Variants in ADTRP observed in about 807,000 individuals in gnomAD.
The protein encoded by ADTRP is androgen-dependent TFPI-regulating protein.
ADTRP carries 20 observed loss-of-function variants against 27.0 expected under a neutral mutation model. The ratio of observed to expected loss-of-function variants is 0.74; its 90% confidence interval spans 0.52 to 1.08. The LOEUF (loss-of-function observed/expected upper bound fraction) is 1.08. Among genes scored for constraint, ADTRP ranks in the 50% least tolerant of loss-of-function variants. ADTRP has a pLI of 0.00. For missense variants in ADTRP, 251 were observed against 275.0 expected, an observed-to-expected ratio of 0.91 and a Z score of 0.62; for synonymous variants, 101 against 105.2, an observed-to-expected ratio of 0.96 and a Z score of 0.25.
intron 4 of ADTRP, among the ~76,000 whole-genome samples, chr6:11,725,313 G>A (rs989906084): frequency 1.3e-5 from 2 of 152,132 alleles, no homozygotes; most frequent in Non-Finnish European, 2.9e-5. Context: ...AAATATTCCT[G>A]TAACTCAACA....
intron 1 of ADTRP, among the ~76,000 whole-genome samples, chr6:11,775,948 C>T (rs1016996350): frequency 2.6e-4 from 40 of 152,186 alleles, no homozygotes; most frequent in Admixed American, 4.6e-4. Flanking sequence ...AGAATGTGAG[C>T]GTAAGTTGTG....
chr6:11,719,115 C>G (rs1224543763), intron 5 of ADTRP, among the ~76,000 whole-genome samples: 1 of 152,204 alleles, frequency 6.6e-6, no homozygotes, highest in East Asian at 1.9e-4. Flanking sequence ...GCAGCCCACT[C>G]AGGAGAGCAC....
chr6:11,769,948 T>G (rs1763711452), intron 1 of ADTRP: 1 of 1,443,712 alleles, frequency 6.9e-7, no homozygotes, highest in African/African-American at 1.4e-5. Flanking sequence ...TGAACTGTGT[T>G]TCATTCTCAT....
rs181985155 is a variant in ADTRP, at chr6:11,733,818, A to G, written c.506+1750T>C. 3.2e-3 allele frequency among the ~76,000 whole-genome samples: 493 copies of G among 152,300 alleles called. 1 individual carries two copies. The highest frequency in any genetic ancestry group is 6.0e-3 in the Admixed American group (92 of 15,300). ...GCATCATGGGGACACCCGCCCAGGTACTGACAAACCAACCTCCTGGCCTCT... is the reference window on the plus strand; with the variant it reads ...GCATCATGGGGACACCCGCCCAGGTGCTGACAAACCAACCTCCTGGCCTCT... On this transcript the variant is annotated intron_variant, in intron 4 of 5. Coordinates refer to ENST00000414691, the MANE Select transcript of ADTRP (RefSeq NM_032744.4).
intron 4 of ADTRP, among the ~76,000 whole-genome samples, chr6:11,733,416 C>T (rs1183649825): frequency 6.6e-6 from 1 of 152,154 alleles, no homozygotes; most frequent in African/African-American, 2.4e-5. Flanking sequence ...GCCATACCCT[C>T]AGCTCCTCCA....
At chr6:11,744,725 GA>G (rs1762815112) in intron 3 of ADTRP, among the ~76,000 whole-genome samples, 1 of 152,194 alleles carries the variant, frequency 6.6e-6, no homozygotes, top group South Asian at 2.1e-4. Flanking sequence ...TTTAAAGACA[GA>G]AACAGATGGG....
rs186409449 is a variant in ADTRP at position 11,754,163 on chromosome 6, G to A, written c.390+12111C>T. On this transcript the variant is annotated intron_variant, in intron 3 of 5. Transcript: ENST00000414691. ...TACTCACACTTCAGTAGATACTGGC[G>A]GGTCCCCCTGTCTCTCACATGGCTT... is the stretch of plus-strand genomic sequence containing the variant. 2.9e-3 allele frequency among the ~76,000 whole-genome samples: 442 copies of A among 152,260 alleles called. 3 individuals are homozygous for A. Among genetic ancestry groups the A allele is most frequent in the African/African-American group, 0.01 (423 of 41,550 alleles).
chr6:11,771,554 A>G (rs1367232197), intron 1 of ADTRP, among the ~76,000 whole-genome samples: 2 of 152,214 alleles, frequency 1.3e-5, no homozygotes, highest in Non-Finnish European at 2.9e-5. Flanking sequence ...TTATTCTCCA[A>G]AGACGATGCA....
chr6:11,766,105 C>T (rs1373869111), intron 3 of ADTRP, among the ~76,000 whole-genome samples, 169 bp downstream of exon 3: 2 of 152,220 alleles, frequency 1.3e-5, no homozygotes, highest in Non-Finnish European at 2.9e-5. Context: ...GTAATTATAG[C>T]ACTGGCTTGT....
chr6:11,719,003 T>C (rs1398636269), intron 5 of ADTRP, among the ~76,000 whole-genome samples: 2 of 152,216 alleles, frequency 1.3e-5, no homozygotes, highest in East Asian at 3.9e-4. Flanking sequence ...TCCTTCTTGC[T>C]CTCTTGTCCA....
In ADTRP at chr6:11,723,401, G is replaced by A. The variant is rs1363526496; in HGVS notation, c.606C>T (p.Val202=). 1.9e-6 allele frequency: 3 copies of A among 1,614,060 alleles called. No individual in the cohort carries two copies. The African/African-American group carries it at 4.0e-5, about 22-fold the overall frequency. ...CAAGTAGGTAGATGCTGGCGATGAA[G>A]ACGTAGCTGAGAGAGAAGAAAGCTG... ...GLAAFFSLSY[V]FIASIYLLGE... Residue 202 remains valine, a synonymous_variant, in exon 5 of 6, where the codon GTC becomes GTT. Transcript: ENST00000414691.
intron 4 of ADTRP, among the ~76,000 whole-genome samples, chr6:11,731,489 G>T (rs924448226): frequency 6.6e-6 from 1 of 152,160 alleles, no homozygotes; most frequent in Non-Finnish European, 1.5e-5. Flanking sequence ...TCTGCCATCT[G>T]CAAGCCTTCA....
At chr6:11,715,117 G>C (rs1372736983) in intron 5 of ADTRP, among the ~76,000 whole-genome samples, 2 of 152,176 alleles carry the variant, frequency 1.3e-5, no homozygotes, top group Non-Finnish European at 2.9e-5. Context: ...CTTTGTGTAA[G>C]CTCTGCAATT....
intron 3 of ADTRP, among the ~76,000 whole-genome samples, chr6:11,746,974 C>T (rs1273636506): frequency 6.6e-6 from 1 of 152,194 alleles, no homozygotes; most frequent in East Asian, 1.9e-4. Context: ...GTCAGTTCCA[C>T]AACCCCGAGG....
At chr6:11,763,079 ATTAAGGTGCCCTGTC>A (rs1299809339) in intron 3 of ADTRP, among the ~76,000 whole-genome samples, 1 of 152,198 alleles carries the variant, frequency 6.6e-6, no homozygotes, top group Admixed American at 6.5e-5. Flanking sequence ...ATCTACTTTA[ATTAAGGTGCCCTGTC>A]CACGGTGGAT....
At chr6:11,751,888 T>C (rs1763066539) in intron 3 of ADTRP, among the ~76,000 whole-genome samples, 2 of 152,234 alleles carry the variant, frequency 1.3e-5, no homozygotes, top group South Asian at 4.1e-4. Context: ...GGCTTTGCTA[T>C]TGCTATGAAG....
At chr6:11,734,101 G>A (rs1277685523) in intron 4 of ADTRP, among the ~76,000 whole-genome samples, 1 of 152,192 alleles carries the variant, frequency 6.6e-6, no homozygotes, top group Non-Finnish European at 1.5e-5. Context: ...AAATTCATGT[G>A]TATAATCAGC....
At chr6:11,771,429 A>G (rs1434450349) in intron 1 of ADTRP, among the ~76,000 whole-genome samples, 4 of 152,220 alleles carry the variant, frequency 2.6e-5, no homozygotes, top group African/African-American at 9.6e-5. Flanking sequence ...AGGGGCTGCC[A>G]GGAGCAGCTG....
chr6:11,714,420 A>AAT lies in ADTRP; in HGVS notation c.*57_*58insAT. ...TCCCTCCACCAGAAAAAAAAAAAAA[A>AAT]GATGAGAAAAATCTCTTGTGTTTTC... On this transcript the variant is annotated 3_prime_UTR_variant, in exon 6 of 6. Transcript: ENST00000414691. 1.3e-6 allele frequency: 2 copies of AAT among 1,584,580 alleles called. No individual in the cohort carries two copies.
Sources: allele counts gnomAD v4.1 joint callset (sites outside exome capture counted in the v4.1 genomes callset), GRCh38; gene constraint gnomAD v4.1.1; transcripts MANE v1.5; gene names NCBI Gene and HGNC (gene_info 2026-07-23, HGNC 2026-07-21).